PDZRN4: variants seen among roughly 807,000 people sequenced by gnomAD.
The protein encoded by PDZRN4 is PDZ domain-containing RING finger protein 4.
Under a neutral mutation model 99.0 loss-of-function variants are expected in PDZRN4, and 70 were observed. That is an observed-to-expected ratio of 0.71 (90% confidence interval 0.58 to 0.86). The LOEUF is 0.86. Ranked by LOEUF, PDZRN4 falls within the 40% of genes least tolerant of loss-of-function variation. The pLI is 0.00. For missense variants in PDZRN4, 1,474 were observed against 1,331.2 expected (o/e 1.11, Z -1.67); for synonymous variants, 551 against 501.6 (o/e 1.10, Z -1.32).
chr12:41,418,732 A>G (rs1437757728), intron 3 of PDZRN4, among the ~76,000 whole-genome samples: 1 of 152,192 alleles, frequency 6.6e-6, no homozygotes, highest in Non-Finnish European at 1.5e-5. Context: ...GCTCTGATGT[A>G]TGAAGGAAGT....
chr12:41,277,694 A>G (rs1182653128), intron 3 of PDZRN4, among the ~76,000 whole-genome samples: 1 of 152,140 alleles, frequency 6.6e-6, no homozygotes, highest in Non-Finnish European at 1.5e-5. Flanking sequence ...TCTAACCTCC[A>G]ACTGAAATAA....
chr12:41,521,768 A>T (rs1378726485), intron 5 of PDZRN4, among the ~76,000 whole-genome samples: 1 of 152,094 alleles, frequency 6.6e-6, no homozygotes, highest in Non-Finnish European at 1.5e-5. Flanking sequence ...GTATTTCATT[A>T]TTCAGTTTCC....
In PDZRN4 at chr12:41,191,459, A is replaced by T. The variant is rs200795191; in HGVS notation, c.650A>T (p.Asp217Val). The T allele has an allele frequency of 9.4e-4, 1,394 of 1,478,196 alleles. 2 individuals carry two copies. Among genetic ancestry groups the T allele is most frequent in the Non-Finnish European group, 1.2e-3 (1,334 of 1,074,496 alleles). The allele number at this position is 1,478,196 out of a possible 1,614,324, so 91.6% of individuals were successfully genotyped here. Residue 217 changes from aspartate (D) to valine (V), a missense_variant and splice_region_variant, in exon 2 of 10, where the codon GAT becomes GTT. Physicochemically the swap from Asp to Val is radical, Grantham distance 152. Coordinates refer to ENST00000402685, the MANE Select transcript of PDZRN4 (RefSeq NM_001164595.2). ...VGDLGGGHRR[D>V]GEHKPFTIVL... is the part of the protein sequence containing the mutation. ...GTCATTTTATACATTTTTTTCTAGGATGGAGAGCATAAGCCATTCACTATT... is the reference window on the plus strand; with the variant it reads ...GTCATTTTATACATTTTTTTCTAGGTTGGAGAGCATAAGCCATTCACTATT...
intron 3 of PDZRN4, among the ~76,000 whole-genome samples, chr12:41,366,504 G>A (rs553608969): frequency 6.6e-6 from 1 of 152,098 alleles, no homozygotes; most frequent in African/African-American, 2.4e-5. Context: ...ATTGTGTACT[G>A]GACAATGAAC....
rs757598641 is a variant in PDZRN4 at position 41,441,888 on chromosome 12, C to CTCTTATTTG, written c.844-64566_844-64558dup. 2.2e-4 allele frequency among the ~76,000 whole-genome samples: 33 copies of CTCTTATTTG among 152,206 alleles called. No homozygotes were observed. In the Middle Eastern group the frequency reaches 0.01, roughly 47 times the overall value. On this transcript the variant is annotated intron_variant, in intron 3 of 9. Coordinates refer to ENST00000402685, the MANE Select transcript of PDZRN4 (RefSeq NM_001164595.2). The stretch of plus-strand genomic sequence containing the variant: ...CACTCACACAGTGGCTCCCCTGGCT[C>CTCTTATTTG]TCTTATTTGTGCACATTCCCAGCAT...
intron 3 of PDZRN4, among the ~76,000 whole-genome samples, chr12:41,403,438 C>A (rs747548197): frequency 6.6e-6 from 1 of 152,084 alleles, no homozygotes; most frequent in Non-Finnish European, 1.5e-5. Flanking sequence ...CCATCGGGAA[C>A]GTGAGAGATG....
chr12:41,298,782 T>C (rs1014009182), intron 3 of PDZRN4, among the ~76,000 whole-genome samples: 2 of 152,202 alleles, frequency 1.3e-5, no homozygotes, highest in Non-Finnish European at 2.9e-5. Context: ...TTCTAGATTA[T>C]AATTAACATT....
intron 3 of PDZRN4, among the ~76,000 whole-genome samples, chr12:41,206,560 TTTA>T (rs1191959270): frequency 6.8e-6 from 1 of 147,988 alleles, no homozygotes; most frequent in Non-Finnish European, 1.5e-5. Context: ...AAATTAATAA[TTTA>T]TTAAGGAGCT....
At chr12:41,544,449 G>A (rs1938913089) in intron 5 of PDZRN4, among the ~76,000 whole-genome samples, 2 of 152,042 alleles carry the variant, frequency 1.3e-5, no homozygotes, top group South Asian at 4.2e-4. Context: ...ACGCATGTGG[G>A]GCTTCTCATA....
chr12:41,203,393 G>A (rs926941942), intron 3 of PDZRN4, among the ~76,000 whole-genome samples: 1 of 152,010 alleles, frequency 6.6e-6, no homozygotes, highest in African/African-American at 2.4e-5. Context: ...GGATTAGGAG[G>A]TGAGAGAGGA....
intron 3 of PDZRN4, among the ~76,000 whole-genome samples, chr12:41,413,976 C>T (rs150872540): frequency 1.5e-3 from 224 of 152,250 alleles, no homozygotes; most frequent in African/African-American, 5.0e-3. Context: ...ATGTTTAGAA[C>T]TCCCTTAAGA....
At chr12:41,244,726 A>G (rs1951123138) in intron 3 of PDZRN4, among the ~76,000 whole-genome samples, 2 of 138,704 alleles carry the variant, frequency 1.4e-5, no homozygotes, top group African/African-American at 5.5e-5. Flanking sequence ...CGCCCAGGCC[A>G]GACTGCGGAC....
At chr12:41,234,773 C>G (rs1036859246) in intron 3 of PDZRN4, among the ~76,000 whole-genome samples, 1 of 152,106 alleles carries the variant, frequency 6.6e-6, no homozygotes, top group Non-Finnish European at 1.5e-5. Flanking sequence ...TATTTTCTAG[C>G]TCATTGAATC....
At chr12:41,395,830 G>C (rs1455937378) in intron 3 of PDZRN4, among the ~76,000 whole-genome samples, 1 of 152,054 alleles carries the variant, frequency 6.6e-6, no homozygotes, top group African/African-American at 2.4e-5. Context: ...AGTATATTAG[G>C]ACACTACCTT....
intron 3 of PDZRN4, among the ~76,000 whole-genome samples, chr12:41,207,853 T>C (rs1357470606): frequency 6.6e-6 from 1 of 151,802 alleles, no homozygotes; most frequent in Non-Finnish European, 1.5e-5. Flanking sequence ...AAACATGCTG[T>C]AACATTTTGT....
Position 41,573,431 on chromosome 12 carries a change from G to A in PDZRN4, c.2652G>A (p.Glu884=). 1 of 1,613,762 alleles carries A rather than the reference G, an allele frequency of 6.2e-7. No individual in the cohort carries two copies. Among genetic ancestry groups the A allele is most frequent in the South Asian group, 1.1e-5 (1 of 91,082 alleles). ...GCAAGGAGTCTCAGAAGTGTTCAGA[G>A]CCCAAGATGGAATGGAAGGTGAAAA... ...SMCKESQKCS[E]PKMEWKVKIR... The change falls in exon 10 of 10, where the codon GAG becomes GAA. Residue 884 remains glutamate, a synonymous_variant. Coordinates refer to ENST00000402685, the MANE Select transcript of PDZRN4 (RefSeq NM_001164595.2).
intron 3 of PDZRN4, among the ~76,000 whole-genome samples, chr12:41,373,982 G>A (rs1377875166): frequency 3.3e-5 from 5 of 152,144 alleles, no homozygotes; most frequent in African/African-American, 9.7e-5. Flanking sequence ...ACAACACACA[G>A]GTTCTTGGGC....
chr12:41,284,175 A>T (rs762445778), intron 3 of PDZRN4, among the ~76,000 whole-genome samples: 10 of 152,244 alleles, frequency 6.6e-5, no homozygotes, highest in Non-Finnish European at 1.3e-4. Flanking sequence ...AGCATACAAA[A>T]TAAATGTGCA....
chr12:41,496,840 G>A (rs1387678163), intron 3 of PDZRN4, among the ~76,000 whole-genome samples: 1 of 152,132 alleles, frequency 6.6e-6, no homozygotes, highest in African/African-American at 2.4e-5. Context: ...TTTAGGCCCT[G>A]AAACTACAGC....
Sources: allele counts gnomAD v4.1 joint callset (sites outside exome capture counted in the v4.1 genomes callset), GRCh38; gene constraint gnomAD v4.1.1; transcripts MANE v1.5; gene names NCBI Gene and HGNC (gene_info 2026-07-23, HGNC 2026-07-21).